The following NETO1 variants were observed in gnomAD, a reference collection of about 807,000 sequenced individuals.
NETO1 encodes the protein neuropilin and tolloid-like protein 1.
NETO1 carries 26 observed loss-of-function variants against 61.3 expected under a neutral mutation model. That is an observed-to-expected ratio of 0.42 (90% CI 0.31 to 0.59). The LOEUF (loss-of-function observed/expected upper bound fraction) is 0.59, where lower values mean the gene tolerates loss of function less well. Ranked by LOEUF, NETO1 falls within the 20% of genes least tolerant of loss-of-function variation. The probability of loss-of-function intolerance (pLI) is 0.12; values close to 1 mark genes in which losing one functional copy is unlikely to be tolerated. For synonymous variants in NETO1, 225 were observed against 225.8 expected, an observed-to-expected ratio of 1.00 and a Z score of 0.03; for missense variants, 531 against 662.8, an observed-to-expected ratio of 0.80 and a Z score of 2.18.
At chr18:72,772,855 A>ACCC (rs2071422148) in intron 7 of NETO1, among the ~76,000 whole-genome samples, 1 of 80,932 alleles carries the variant, frequency 1.2e-5, no homozygotes, top group Non-Finnish European at 2.3e-5. Flanking sequence ...ATATATATAT[A>ACCC]TATATATATA....
At chr18:72,807,330 C>T (rs1056640174) in intron 4 of NETO1, among the ~76,000 whole-genome samples, 1 of 152,058 alleles carries the variant, frequency 6.6e-6, no homozygotes, top group African/African-American at 2.4e-5. Context: ...GAAACCAAAA[C>T]TTACAAGATT....
Position 72,850,645 on chromosome 18 carries a change from A to AT in NETO1, c.469+8180dup, listed in dbSNP as rs574258457. Among the ~76,000 whole-genome samples, 126 of 152,352 alleles carry AT rather than the reference A, an allele frequency of 8.3e-4. 1 individual carries two copies. In the South Asian group the frequency reaches 0.023, roughly 28 times the overall value. On this transcript the variant is annotated intron_variant, in intron 4 of 10. Coordinates refer to ENST00000327305, the MANE Select transcript of NETO1 (RefSeq NM_138966.5). The stretch of plus-strand genomic sequence containing the variant: ...AAATGTTAGTCAGAGATTTCAGAAG[A>AT]TTTTACCAAGAAGCCCAGTAACTAA...
intron 4 of NETO1, among the ~76,000 whole-genome samples, chr18:72,832,035 T>C (rs1025329483): frequency 1.3e-5 from 2 of 152,204 alleles, no homozygotes; most frequent in African/African-American, 4.8e-5. Context: ...CAAAATCACA[T>C]GGTACTCCCT....
intron 7 of NETO1, among the ~76,000 whole-genome samples, chr18:72,772,772 T>TATATAC (rs2071398422): frequency 7.1e-6 from 1 of 140,978 alleles, no homozygotes; most frequent in African/African-American, 2.6e-5. Context: ...TATATATATA[T>TATATAC]ATATACAGAT....
At chr18:72,853,296 GTATAAACAGAACA>G (rs780624594) in intron 4 of NETO1, 8 of 152,306 alleles carry the variant, frequency 5.3e-5, no homozygotes, top group Non-Finnish European at 7.3e-5. Context: ...TGAGTCAGTA[GTATAAACAGAACA>G]TTCAGGTTGG....
intron 8 of NETO1, among the ~76,000 whole-genome samples, chr18:72,754,952 T>A (rs956446991): frequency 6.6e-6 from 1 of 152,196 alleles, no homozygotes; most frequent in Admixed American, 6.5e-5. Context: ...GCCATAGGCA[T>A]AACCTCCATA....
At chr18:72,766,166 A>G (rs9958579) in intron 7 of NETO1, among the ~76,000 whole-genome samples, 4,075 of 151,696 alleles carry the variant, frequency 0.027, 139 homozygotes, top group East Asian at 0.083. Context: ...AGATTGTGCC[A>G]CTGCCCTTCA....
At chr18:72,773,659 T>C (rs2071451244) in intron 7 of NETO1, among the ~76,000 whole-genome samples, 1 of 152,148 alleles carries the variant, frequency 6.6e-6, no homozygotes, top group Non-Finnish European at 1.5e-5. Context: ...CTCACAATTA[T>C]TCTACTGGCA....
chr18:72,819,035 CT>C (rs1484193923), intron 4 of NETO1, among the ~76,000 whole-genome samples: 3 of 152,060 alleles, frequency 2.0e-5, no homozygotes, highest in African/African-American at 7.2e-5. Flanking sequence ...TAGAGCTGTC[CT>C]TTATTTTTTT....
chr18:72,833,370 C>T (rs1408659496), intron 4 of NETO1, among the ~76,000 whole-genome samples: 4 of 152,118 alleles, frequency 2.6e-5, no homozygotes, highest in Non-Finnish European at 2.9e-5. Context: ...AGTTATTTTG[C>T]TGTATTCTCT....
chr18:72,798,896 C>A (rs1223387791), intron 4 of NETO1, among the ~76,000 whole-genome samples: 1 of 152,134 alleles, frequency 6.6e-6, no homozygotes, highest in Non-Finnish European at 1.5e-5. Context: ...GTGTGGTGAC[C>A]AGTTATCCAA....
chr18:72,820,790 T>C (rs562378754), intron 4 of NETO1, among the ~76,000 whole-genome samples: 2 of 152,286 alleles, frequency 1.3e-5, no homozygotes, highest in East Asian at 3.9e-4. Context: ...GGTCTTGACA[T>C]GCCTTCGGAC....
chr18:72,842,864 CAA>C lies in NETO1; in HGVS notation c.469+15960_469+15961del, dbSNP rs562283908. On this transcript the variant is annotated intron_variant, in intron 4 of 10. Transcript: ENST00000327305. ...AGGTATGCTATAAACTAAAATGAAA[CAA>C]TGCGTACAAAGTGCTTTGAACAATA... is the stretch of plus-strand genomic sequence containing the variant. Among the ~76,000 whole-genome samples the C allele has an allele frequency of 7.4e-4, 113 of 152,246 alleles. 1 individual carries two copies. In the South Asian group the frequency reaches 0.023, roughly 31 times the overall value.
chr18:72,865,932 A>G (rs943632419), intron 1 of NETO1, among the ~76,000 whole-genome samples: 4 of 152,218 alleles, frequency 2.6e-5, no homozygotes, highest in Admixed American at 2.0e-4. Flanking sequence ...ATTGATTATT[A>G]ATTTGAGAAA....
chr18:72,840,711 G>T (rs781523866), intron 4 of NETO1, among the ~76,000 whole-genome samples: 15 of 152,132 alleles, frequency 9.9e-5, no homozygotes, highest in Non-Finnish European at 1.9e-4. Context: ...TCAGATAAAA[G>T]ATTGTGGCTA....
chr18:72,777,552 AAC>A (rs1249162860), intron 7 of NETO1, among the ~76,000 whole-genome samples: 1 of 150,830 alleles, frequency 6.6e-6, no homozygotes, highest in Non-Finnish European at 1.5e-5. Context: ...CGTCCTGGCT[AAC>A]ACGTTGAAAC....
intron 3 of NETO1, among the ~76,000 whole-genome samples, chr18:72,859,275 G>A (rs143929052): frequency 7.6e-4 from 115 of 152,216 alleles, no homozygotes; most frequent in Middle Eastern, 3.4e-3. Flanking sequence ...ACTTAAAACC[G>A]ATGATGTTGC....
chr18:72,867,372 A>T lies in NETO1; in HGVS notation c.-81T>A. ...AGACTTCCAGTGGCGGGGGGAGGAC[A>T]GGGTCGAGAGGTGTTAAAGACGCAA... On this transcript the variant is annotated 5_prime_UTR_variant, in exon 1 of 11. Transcript: ENST00000327305. The T allele has an allele frequency of 5.2e-6, 6 of 1,155,630 alleles. No homozygotes were observed. Among genetic ancestry groups the T allele is most frequent in the Non-Finnish European group, 7.2e-6 (6 of 831,908 alleles). The allele number at this position is 1,155,630 out of a possible 1,614,324, so 71.6% of individuals were successfully genotyped here. A position where few individuals can be genotyped will look rare whatever the true frequency, so the allele number is the denominator to read the frequency against.
chr18:72,840,681 TCTTAGA>T (rs1712114524), intron 4 of NETO1, among the ~76,000 whole-genome samples: 1 of 152,198 alleles, frequency 6.6e-6, no homozygotes, highest in African/African-American at 2.4e-5. Flanking sequence ...GAAATTATAT[TCTTAGA>T]CTTAACCAAC....
Sources: allele counts gnomAD v4.1 joint callset (sites outside exome capture counted in the v4.1 genomes callset), GRCh38; gene constraint gnomAD v4.1.1; transcripts MANE v1.5; gene names NCBI Gene and HGNC (gene_info 2026-07-23, HGNC 2026-07-21).